Variants in NRG2 observed in about 807,000 individuals in gnomAD.
NRG2 encodes pro-neuregulin-2, membrane-bound isoform.
A neutral mutation model predicts 73.9 loss-of-function variants in NRG2; 27 were observed. That is an observed-to-expected ratio of 0.37 (90% CI 0.27 to 0.50). The LOEUF (loss-of-function observed/expected upper bound fraction) is 0.50, where lower values mean the gene tolerates loss of function less well. Among genes scored for constraint, NRG2 ranks in the 20% least tolerant of loss-of-function variants. NRG2 has a pLI of 0.96. For synonymous variants in NRG2, 532 were observed against 541.0 expected, an observed-to-expected ratio of 0.98 and a Z score of 0.23; for missense variants, 1,126 against 1,210.1, an observed-to-expected ratio of 0.93 and a Z score of 1.03.
chr5:139,878,485 C>A (rs1763324801), intron 3 of NRG2, among the ~76,000 whole-genome samples: 1 of 152,066 alleles, frequency 6.6e-6, no homozygotes. Flanking sequence ...TGAGAGAGGC[C>A]CATTTTACAG....
intron 1 of NRG2, among the ~76,000 whole-genome samples, chr5:139,903,018 G>A (rs941653748): frequency 6.6e-6 from 1 of 152,150 alleles, no homozygotes; most frequent in Non-Finnish European, 1.5e-5. Flanking sequence ...AGTGTTTGAC[G>A]CCTAGGCTCT....
rs1032937364 is a variant in NRG2, at chr5:139,887,930, A to G, written c.701-419T>C. On this transcript the variant is annotated intron_variant, in intron 1 of 9. Transcript: ENST00000361474. The surrounding 1 kb of genome is among the most constrained non-coding windows in gnomAD (Gnocchi z 4.5). ...TTGACATCAGTGCTCAGGATCTAAA[A>G]TCATGGGTAACAAGCCATGGGGCTG... Among the ~76,000 whole-genome samples the G allele has an allele frequency of 6.6e-6, 1 of 152,126 alleles. No homozygotes were observed. Among genetic ancestry groups the G allele is most frequent in the Non-Finnish European group, 1.5e-5 (1 of 68,020 alleles).
At chr5:139,934,785 C>A (rs1016478758) in intron 1 of NRG2, among the ~76,000 whole-genome samples, 1 of 152,300 alleles carries the variant, frequency 6.6e-6, no homozygotes, top group South Asian at 2.1e-4. Context: ...TGTACTAATA[C>A]AAGACAAGGT....
rs1250441117 is a variant in NRG2, at chr5:139,865,012, C to T, written c.1189+537G>A. On this transcript the variant is annotated intron_variant, in intron 5 of 9. Transcript: ENST00000361474. The surrounding 1 kb of genome is among the most constrained non-coding windows in gnomAD (Gnocchi z 5.2). The stretch of plus-strand genomic sequence containing the variant: ...CGTCTCCTCTAAGGAGCGCAGGACA[C>T]CCTCTACATCTCCCCCTAGTCTTGC... 6.1e-6 allele frequency: 6 copies of T among 985,040 alleles called. 1 individual carries two copies. Among genetic ancestry groups the T allele is most frequent in the Non-Finnish European group, 9.9e-6 (6 of 608,558 alleles). The allele number at this position is 985,040 out of a possible 1,614,324, so 61.0% of individuals were successfully genotyped here. A position where few individuals can be genotyped will look rare whatever the true frequency, so the allele number is the denominator to read the frequency against.
At chr5:139,951,546 C>T (rs920245991) in intron 1 of NRG2, among the ~76,000 whole-genome samples, 1 of 151,650 alleles carries the variant, frequency 6.6e-6, no homozygotes, top group Non-Finnish European at 1.5e-5. Context: ...TCTGATGGAA[C>T]GATGAGCTAA....
chr5:139,919,780 C>T (rs766560808), intron 1 of NRG2, among the ~76,000 whole-genome samples: 2 of 152,164 alleles, frequency 1.3e-5, no homozygotes, highest in Non-Finnish European at 2.9e-5. Flanking sequence ...CACTAAGCAA[C>T]CACTTCAATG....
intron 1 of NRG2, among the ~76,000 whole-genome samples, chr5:139,984,951 G>T (rs1416636145): frequency 1.3e-5 from 2 of 152,186 alleles, no homozygotes; most frequent in South Asian, 2.1e-4. Context: ...TCATGCATAT[G>T]TTCTTCAACC....
intron 1 of NRG2, among the ~76,000 whole-genome samples, chr5:140,029,064 A>G (rs1760928249): frequency 6.6e-6 from 1 of 152,222 alleles, no homozygotes; most frequent in Non-Finnish European, 1.5e-5. Flanking sequence ...CTGTTCAGCC[A>G]CCATCTGACT....
chr5:139,894,225 G>A lies in NRG2; in HGVS notation c.701-6714C>T, dbSNP rs1404040255. On this transcript the variant is annotated intron_variant, in intron 1 of 9. Transcript: ENST00000361474. The surrounding 1 kb of genome is among the most constrained non-coding windows in gnomAD (Gnocchi z 5.0). The stretch of plus-strand genomic sequence containing the variant: ...TCCCTCCCGGCACCCAGCGGGCAGG[G>A]GCAGCAGGCTCTTAAAAGGGTTAAT... Among the ~76,000 whole-genome samples, 1 of 152,156 alleles carries A rather than the reference G, an allele frequency of 6.6e-6. No homozygotes were observed.
chr5:139,987,214 T>C (rs1160958748), intron 1 of NRG2, among the ~76,000 whole-genome samples: 2 of 128,328 alleles, frequency 1.6e-5, no homozygotes, highest in African/African-American at 6.1e-5. Flanking sequence ...TCTACTAAAA[T>C]ACAAAAAAAA....
intron 1 of NRG2, among the ~76,000 whole-genome samples, chr5:140,006,620 T>A (rs887874551): frequency 2.0e-5 from 3 of 152,216 alleles, no homozygotes; most frequent in African/African-American, 7.2e-5. Context: ...AAAAATCATA[T>A]TTTCTAAGAA....
rs955905871 is a variant in NRG2, at chr5:139,870,829, C to T, written c.1112+892G>A. 1.3e-5 allele frequency among the ~76,000 whole-genome samples: 2 copies of T among 152,344 alleles called. No homozygotes were observed. Among genetic ancestry groups the T allele is most frequent in the African/African-American group, 4.8e-5 (2 of 41,582 alleles). On this transcript the variant is annotated intron_variant, in intron 4 of 9. Transcript: ENST00000361474. This position sits in a 1 kb window ranked among gnomAD's most constrained non-coding sequence, Gnocchi z 4.4. ...TGTCCAGGGGGCACTGTAGGCCCAGCTGCCCAGAAGATCTGGCTGGGCCTG... is the reference window on the plus strand; with the variant it reads ...TGTCCAGGGGGCACTGTAGGCCCAGTTGCCCAGAAGATCTGGCTGGGCCTG...
At chr5:139,958,647 TA>T (rs952983889) in intron 1 of NRG2, among the ~76,000 whole-genome samples, 6 of 151,812 alleles carry the variant, frequency 4.0e-5, no homozygotes, top group African/African-American at 1.4e-4. Flanking sequence ...AATGACCAAA[TA>T]AAAAAAATCC....
intron 1 of NRG2, among the ~76,000 whole-genome samples, chr5:139,998,204 G>C (rs1346714916): frequency 6.6e-6 from 1 of 152,076 alleles, no homozygotes; most frequent in Non-Finnish European, 1.5e-5. Flanking sequence ...CACCACCTTG[G>C]GTAAACCACT....
Position 140,043,191 on chromosome 5 carries a change from C to G in NRG2, c.-122G>C, listed in dbSNP as rs1581013343. The stretch of plus-strand genomic sequence containing the variant: ...CGCCTCTTAGCCCTCCACCGGCAGC[C>G]CGGGGAGGTGGCCCAGCTAGGGCAG... On this transcript the variant is annotated 5_prime_UTR_variant, in exon 1 of 10. Transcript: ENST00000361474. The surrounding 1 kb of genome is among the most constrained non-coding windows in gnomAD (Gnocchi z 6.7). 8.3e-7 allele frequency: 1 copy of G among 1,204,488 alleles called. No individual in the cohort carries two copies. The highest frequency in any genetic ancestry group is 2.9e-5 in the East Asian group (1 of 35,050). The allele number at this position is 1,204,488 out of a possible 1,614,324, so 74.6% of individuals were successfully genotyped here. A position where few individuals can be genotyped will look rare whatever the true frequency, so the allele number is the denominator to read the frequency against.
At chr5:139,918,343 A>T (rs1751420722) in intron 1 of NRG2, among the ~76,000 whole-genome samples, 1 of 152,180 alleles carries the variant, frequency 6.6e-6, no homozygotes, top group African/African-American at 2.4e-5. Context: ...TGGTAACATA[A>T]GGTGATGGGG....
chr5:140,036,686 G>A (rs1029121341), intron 1 of NRG2, among the ~76,000 whole-genome samples: 13 of 152,146 alleles, frequency 8.5e-5, no homozygotes, highest in Admixed American at 2.0e-4. Context: ...CTAGCAACAA[G>A]TAAGACAGAA....
chr5:140,041,621 A>G (rs1761920930), intron 1 of NRG2, among the ~76,000 whole-genome samples: 1 of 150,392 alleles, frequency 6.6e-6, no homozygotes, highest in Non-Finnish European at 1.5e-5. Flanking sequence ...ACTCTCTTTC[A>G]TCATCATCAC....
At chr5:139,920,610 G>C (rs1401242250) in intron 1 of NRG2, among the ~76,000 whole-genome samples, 1 of 152,178 alleles carries the variant, frequency 6.6e-6, no homozygotes, top group Non-Finnish European at 1.5e-5. Flanking sequence ...TGAAGTAGGG[G>C]GGATCAGGTA....
Sources: allele counts gnomAD v4.1 joint callset (sites outside exome capture counted in the v4.1 genomes callset), GRCh38; gene constraint gnomAD v4.1.1; non-coding constraint Gnocchi (gnomAD v3.1); transcripts MANE v1.5; gene names NCBI Gene and HGNC (gene_info 2026-07-23, HGNC 2026-07-21).